Variants in PTPRM observed in about 807,000 individuals in gnomAD.
The protein encoded by PTPRM is protein tyrosine phosphatase receptor type M, also known as receptor-type tyrosine-protein phosphatase mu.
Under a neutral mutation model 186.7 loss-of-function variants are expected in PTPRM, and 47 were observed. The observed-to-expected ratio is 0.25, with a 90% confidence interval of 0.20 to 0.32. PTPRM has a LOEUF of 0.32. Ranked by LOEUF, PTPRM falls within the 10% of genes least tolerant of loss-of-function variation. The pLI, the probability that PTPRM is intolerant of heterozygous loss-of-function variation, is 1.00. For missense variants in PTPRM, 1,494 were observed against 1,865.0 expected (o/e 0.80, Z 3.66); for synonymous variants, 668 against 674.9 (o/e 0.99, Z 0.16).
intron 1 of PTPRM, among the ~76,000 whole-genome samples, chr18:7,648,682 AG>A (rs760257546): frequency 6.3e-4 from 96 of 152,330 alleles, no homozygotes; most frequent in Middle Eastern, 6.8e-3. Flanking sequence ...AATTCTGTGA[AG>A]GTTGAGAGAG....
intron 20 of PTPRM, among the ~76,000 whole-genome samples, chr18:8,299,975 T>A (rs899253193): frequency 2.0e-5 from 3 of 152,204 alleles, no homozygotes; most frequent in African/African-American, 7.2e-5. Context: ...CTCAGGACCC[T>A]GAACTTGGGA....
chr18:8,348,403 A>C (rs606954), intron 23 of PTPRM, among the ~76,000 whole-genome samples: 124,045 of 152,240 alleles, frequency 0.81, 52,180 homozygotes, highest in Middle Eastern at 0.95. Flanking sequence ...GGTACATCTG[A>C]CAGGACCTGT....
At chr18:8,299,231 G>C (rs75242330) in intron 20 of PTPRM, among the ~76,000 whole-genome samples, 6,072 of 152,192 alleles carry the variant, frequency 0.04, 378 homozygotes, top group African/African-American at 0.13. Context: ...GTCACAGCTG[G>C]ACAGAGAGTA....
chr18:8,267,124 A>G (rs2094710623), intron 19 of PTPRM, among the ~76,000 whole-genome samples: 1 of 152,170 alleles, frequency 6.6e-6, no homozygotes, highest in Admixed American at 6.5e-5. Flanking sequence ...TATTGTATTT[A>G]TGTGCTTTAG....
chr18:7,768,077 T>G (rs146284676), intron 1 of PTPRM, among the ~76,000 whole-genome samples: 157 of 152,352 alleles, frequency 1.0e-3, no homozygotes, highest in African/African-American at 3.6e-3. Context: ...CCAAGGTGAC[T>G]AAGACACAGT....
intron 31 of PTPRM, among the ~76,000 whole-genome samples, chr18:8,393,991 C>A (rs928054797): frequency 6.6e-6 from 1 of 152,130 alleles, no homozygotes. Context: ...TGGGGTTTCA[C>A]CGTGTTTAGC....
chr18:8,074,708 G>A (rs530473861), intron 8 of PTPRM, among the ~76,000 whole-genome samples: 138 of 152,192 alleles, frequency 9.1e-4, no homozygotes, highest in African/African-American at 3.3e-3. Flanking sequence ...CTTTTTTGGA[G>A]AACTGTTTAT....
At chr18:8,178,818 A>G (rs2093528576) in intron 14 of PTPRM, among the ~76,000 whole-genome samples, 1 of 151,938 alleles carries the variant, frequency 6.6e-6, no homozygotes, top group Non-Finnish European at 1.5e-5. Context: ...ATAAAAAATA[A>G]ATTTGGCTTT....
Position 8,086,641 on chromosome 18 carries a change from G to A in PTPRM, c.1753+769G>A, listed in dbSNP as rs1464302863. Among the ~76,000 whole-genome samples the A allele has an allele frequency of 2.6e-5, 4 of 152,144 alleles. No homozygotes were observed. The East Asian group carries it at 7.7e-4, about 29-fold the overall frequency. On this transcript the variant is annotated intron_variant, in intron 10 of 32. Transcript: ENST00000580170. ...GAAGTAGGGAAAGGAGCTAACTCTT[G>A]TTATCAGCCATGGTTAGGTCAATAA...
intron 9 of PTPRM, among the ~76,000 whole-genome samples, chr18:8,079,020 G>C (rs1490641902): frequency 6.6e-6 from 1 of 152,222 alleles, no homozygotes; most frequent in Non-Finnish European, 1.5e-5. Flanking sequence ...AAATGAATAT[G>C]CTGTAGCTTT....
intron 2 of PTPRM, among the ~76,000 whole-genome samples, chr18:7,884,924 CAAAAAAAAAAAA>C (rs56724615): frequency 5.3e-3 from 200 of 37,856 alleles, no homozygotes; most frequent in African/African-American, 0.016. Context: ...AGCTCCATCT[CAAAAAAAAAAAA>C]AAAAAAAAAA....
chr18:8,400,682 C>A (rs1222736126), intron 32 of PTPRM, among the ~76,000 whole-genome samples: 5 of 152,150 alleles, frequency 3.3e-5, no homozygotes, highest in Admixed American at 6.5e-5. Context: ...GTTCAGGTTG[C>A]CCCCTCTGTA....
At chr18:7,972,998 A>G (rs976706419) in intron 7 of PTPRM, among the ~76,000 whole-genome samples, 2 of 152,126 alleles carry the variant, frequency 1.3e-5, no homozygotes, top group South Asian at 4.1e-4. Flanking sequence ...TATTTTCTGA[A>G]CAGCTCTCTA....
At chr18:7,772,349 C>CTCTCTCTT (rs2042324900) in intron 1 of PTPRM, among the ~76,000 whole-genome samples, 4 of 96,034 alleles carry the variant, frequency 4.2e-5, no homozygotes, top group Non-Finnish European at 7.9e-5. Context: ...TTCTTTCTTT[C>CTCTCTCTT]TCTTTCTTTC....
chr18:8,216,768 G>A (rs1402382324), intron 14 of PTPRM, among the ~76,000 whole-genome samples: 1 of 152,234 alleles, frequency 6.6e-6, no homozygotes, highest in East Asian at 1.9e-4. Context: ...CACAGAAGTA[G>A]ATGCTCTTTT....
chr18:7,882,804 G>T (rs1371082011), intron 2 of PTPRM, among the ~76,000 whole-genome samples: 1 of 152,158 alleles, frequency 6.6e-6, no homozygotes, highest in Non-Finnish European at 1.5e-5. Context: ...CAAATCTAGA[G>T]CTCCAAACAC....
chr18:8,397,193 C>T (rs540729394), intron 32 of PTPRM, among the ~76,000 whole-genome samples: 19 of 152,362 alleles, frequency 1.2e-4, no homozygotes, highest in South Asian at 6.2e-4. Context: ...GGGGCCCTCG[C>T]CCCAGCCCCA....
In PTPRM at chr18:7,678,363, G is replaced by A. The variant is rs2039398859; in HGVS notation, c.74-95786G>A. 2.0e-5 allele frequency among the ~76,000 whole-genome samples: 3 copies of A among 152,256 alleles called. No individual in the cohort carries two copies. The East Asian group carries it at 5.8e-4, about 29-fold the overall frequency. ...CATTCTTAAAAGTTTCCCAATCTGGGTGATAAATACATGGTCACCCACTTA... is the reference window on the plus strand; with the variant it reads ...CATTCTTAAAAGTTTCCCAATCTGGATGATAAATACATGGTCACCCACTTA... On this transcript the variant is annotated intron_variant, in intron 1 of 32. Transcript: ENST00000580170.
At chr18:8,384,784 G>T in intron 30 of PTPRM, 98 bp downstream of exon 30, 1 of 1,485,230 alleles carries the variant, frequency 6.7e-7, no homozygotes. Context: ...CACTGTTCCA[G>T]GAGTTTGGAG....
Sources: allele counts gnomAD v4.1 joint callset (sites outside exome capture counted in the v4.1 genomes callset), GRCh38; gene constraint gnomAD v4.1.1; transcripts MANE v1.5; gene names NCBI Gene and HGNC (gene_info 2026-07-23, HGNC 2026-07-21).